Variants in VXN observed in about 807,000 individuals in gnomAD.
VXN encodes the protein uncharacterized protein C8orf46.
In VXN, 7 loss-of-function variants were observed where a neutral mutation model predicts 23.1. That is an observed-to-expected ratio of 0.30 (90% CI 0.17 to 0.57). The LOEUF (loss-of-function observed/expected upper bound fraction) is 0.57. VXN is among the 20% of genes least tolerant of loss of function. VXN has a pLI of 0.91. For synonymous variants in VXN, 120 were observed against 105.8 expected, an observed-to-expected ratio of 1.13 and a Z score of -0.83; for missense variants, 238 against 272.6, an observed-to-expected ratio of 0.87 and a Z score of 0.89.
chr8:66,516,098 C>T lies in VXN; in HGVS notation c.*22C>T. On this transcript the variant is annotated 3_prime_UTR_variant, in exon 6 of 6. Transcript: ENST00000305454. ...CTAAAGGTGACCCTCTTCAAGTGCC[C>T]TGTGTTGGCCAAGGTTCCCCGGACA... 6.4e-7 allele frequency: 1 copy of T among 1,572,838 alleles called. No homozygotes were observed. The highest frequency in any genetic ancestry group is 2.3e-5 in the East Asian group (1 of 43,510).
At chr8:66,513,678 A>G (rs774031743) in intron 5 of VXN, 41 bp downstream of exon 5, 5 of 1,549,906 alleles carry the variant, frequency 3.2e-6, no homozygotes, top group Non-Finnish European at 4.5e-6. Flanking sequence ...GTGGCCTCCC[A>G]CTGTCCTGAT....
At chr8:66,510,261 G>A in intron 4 of VXN, 104 bp downstream of exon 4, 1 of 968,066 alleles carries the variant, frequency 1.0e-6, no homozygotes, top group African/African-American at 1.7e-5. Flanking sequence ...CTTTGTTCCA[G>A]GCCTGAGGAT....
At position 66,506,236 on chromosome 8, in the gene VXN, T is replaced by A. The variant is rs1470543008; in HGVS notation, c.280+708T>A. ...GAGAGAGAGAGAGAGAGAGACAGTG[T>A]GTGTGTGTGTGTGTGTGTGTGTGTG... On this transcript the variant is annotated intron_variant, in intron 3 of 5. Transcript: ENST00000305454. Among the ~76,000 whole-genome samples the A allele has an allele frequency of 3.3e-3, 448 of 135,462 alleles. 3 individuals are homozygous for A. Among genetic ancestry groups the A allele is most frequent in the African/African-American group, 0.013 (425 of 33,028 alleles). The allele number at this position is 135,462 out of a possible 152,430, so 88.9% of individuals were successfully genotyped here. A position where few individuals can be genotyped will look rare whatever the true frequency, so the allele number is the denominator to read the frequency against.
chr8:66,504,515 A>G (rs1007002893), intron 2 of VXN, among the ~76,000 whole-genome samples: 1 of 152,074 alleles, frequency 6.6e-6, no homozygotes, highest in Non-Finnish European at 1.5e-5. Flanking sequence ...GTAAGATAAA[A>G]TGGCTACTAT....
In VXN at chr8:66,516,664, T is replaced by C. The variant is rs1271200991; in HGVS notation, c.*588T>C. 2 of 152,258 alleles carry C rather than the reference T, an allele frequency of 1.3e-5. No individual in the cohort carries two copies. The highest frequency in any genetic ancestry group is 2.4e-5 in the African/African-American group (1 of 41,472). 9.4% of individuals were successfully genotyped at this position (152,258 alleles called of 1,614,324 possible). A position where few individuals can be genotyped will look rare whatever the true frequency, so the allele number is the denominator to read the frequency against. ...TATTCTTTTATGTGCAGTTTTTCTA[T>C]AGAAAAACATTAAAAGTTAAATGTT... On this transcript the variant is annotated 3_prime_UTR_variant, in exon 6 of 6. Transcript: ENST00000305454.
chr8:66,509,281 C>T lies in VXN; in HGVS notation c.281-815C>T, dbSNP rs1043206240. Among the ~76,000 whole-genome samples the T allele has an allele frequency of 3.3e-5, 5 of 152,188 alleles. No individual in the cohort carries two copies. In the East Asian group the frequency reaches 7.7e-4, roughly 23 times the overall value. On this transcript the variant is annotated intron_variant, in intron 3 of 5. Transcript: ENST00000305454. ...CCCCAGAGAGACCTGTGCTGAAAGC[C>T]AGCTTTCCCCTACGTTTTATCAGCT...
At position 66,505,493 on chromosome 8, in the gene VXN, C is replaced by T. The variant is rs1407714131; in HGVS notation, c.245C>T (p.Pro82Leu). Residue 82 changes from proline (P) to leucine (L), a missense_variant, in exon 3 of 6, where the codon CCC (proline) becomes CTC (leucine). Pro to Leu is a moderately conservative substitution (Grantham distance 98). Coordinates refer to ENST00000305454, the MANE Select transcript of VXN (RefSeq NM_152765.4). ...GGGCGGCTCCAGACCGCGCGGCCGC[C>T]CACAGCCCACCCGGCCAAAGCCTCT... ...RFGRLQTARP[P>L]TAHPAKASAR... 2 of 1,555,908 alleles carry T rather than the reference C, an allele frequency of 1.3e-6. No homozygotes were observed. Among genetic ancestry groups the T allele is most frequent in the Admixed American group, 2.0e-5 (1 of 51,028 alleles).
chr8:66,498,845 A>G, intron 2 of VXN: 1 of 456,496 alleles, frequency 2.2e-6, no homozygotes, highest in South Asian at 1.5e-5. Flanking sequence ...ACCAAGGGTA[A>G]CTGAAACCAT....
chr8:66,510,159 T>A lies in VXN; in HGVS notation c.342+2T>A. ...AATCGAGCATATGGAAAATCTCTGG[T>A]AAGTAAAATAAGCCTGCTTAGTTGT... On this transcript the variant is annotated splice_donor_variant, in intron 4 of 5. Coordinates refer to ENST00000305454, the MANE Select transcript of VXN (RefSeq NM_152765.4). LOFTEE classifies it high-confidence loss of function. The A allele has an allele frequency of 6.2e-7, 1 of 1,609,780 alleles. No individual in the cohort carries two copies. The highest frequency in any genetic ancestry group is 8.5e-7 in the Non-Finnish European group (1 of 1,177,474).
chr8:66,510,137 C>A lies in VXN; in HGVS notation c.322C>A (p.Arg108=), dbSNP rs546773714. 1.2e-6 allele frequency: 2 copies of A among 1,612,594 alleles called. No individual in the cohort carries two copies. Among genetic ancestry groups the A allele is most frequent in the Non-Finnish European group, 1.7e-6 (2 of 1,179,472 alleles). ...CAAAACATCAAATCTGTGTGGGAAT[C>A]GAGCATATGGAAAATCTCTGGTAAG... ...EPKTSNLCGN[R]AYGKSLIPPV... Residue 108 remains arginine (R), a synonymous_variant, in exon 4 of 6, where the codon CGA becomes AGA. Coordinates refer to ENST00000305454, the MANE Select transcript of VXN (RefSeq NM_152765.4).
intron 5 of VXN, chr8:66,514,392 G>A (rs1295761920): frequency 1.3e-5 from 2 of 152,218 alleles, no homozygotes; most frequent in African/African-American, 4.8e-5. Flanking sequence ...GAATCACAGG[G>A]GGTACCCATC....
In VXN at chr8:66,513,591, G is replaced by A. The variant is rs1807850137; in HGVS notation, c.394G>A (p.Glu132Lys). The change falls in exon 5 of 6, where the codon GAG becomes AAG. Residue 132 changes from glutamate to lysine, a missense_variant. By Grantham distance (56) the Glu-to-Lys change is moderately conservative (BLOSUM62 1). Coordinates refer to ENST00000305454, the MANE Select transcript of VXN (RefSeq NM_152765.4). Reference protein sequence around the residue: ...SVKTSASASLEATAMGTEKGA... With the variant: ...SVKTSASASLKATAMGTEKGA... Reference sequence around the variant, plus strand: ...GAAAACTTCAGCCTCTGCCTCATTGGAGGCGACAGCCATGGGCACAGAGAA... The same window carrying A: ...GAAAACTTCAGCCTCTGCCTCATTGAAGGCGACAGCCATGGGCACAGAGAA... The A allele has an allele frequency of 6.2e-7, 1 of 1,614,178 alleles. No homozygotes were observed.
In VXN at chr8:66,497,915, C is replaced by T. The variant is rs544020733; in HGVS notation, c.126+1423C>T. Among the ~76,000 whole-genome samples the T allele has an allele frequency of 3.9e-5, 6 of 152,082 alleles. No homozygotes were observed. In the East Asian group the frequency reaches 1.2e-3, roughly 29 times the overall value. The stretch of plus-strand genomic sequence containing the variant: ...AGGCGCAGTGGCTCACGCCTGTAAT[C>T]CTAGCACTTTGGGAGGCTGAGGTGG... On this transcript the variant is annotated intron_variant, in intron 2 of 5. Transcript: ENST00000305454.
chr8:66,511,083 G>T (rs1807818859), intron 4 of VXN, among the ~76,000 whole-genome samples: 1 of 152,200 alleles, frequency 6.6e-6, no homozygotes, highest in Non-Finnish European at 1.5e-5. Context: ...CCACCTGAAG[G>T]AGCTAAGAGC....
chr8:66,514,872 G>A (rs1458194483), intron 5 of VXN, among the ~76,000 whole-genome samples: 1 of 152,232 alleles, frequency 6.6e-6, no homozygotes, highest in Non-Finnish European at 1.5e-5. Context: ...TACACTGTCA[G>A]CCTGAGCGCT....
intron 4 of VXN, among the ~76,000 whole-genome samples, chr8:66,511,796 G>A (rs1412872771): frequency 6.6e-6 from 1 of 152,120 alleles, no homozygotes; most frequent in African/African-American, 2.4e-5. Flanking sequence ...GCCAGGCACA[G>A]TGGCTCACAG....
chr8:66,496,949 A>G (rs961114515), intron 2 of VXN, among the ~76,000 whole-genome samples: 2 of 152,094 alleles, frequency 1.3e-5, no homozygotes, highest in Non-Finnish European at 2.9e-5. Context: ...CAATGGCACA[A>G]TCTCTGCTCA....
At chr8:66,504,447 T>C (rs1338585608) in intron 2 of VXN, among the ~76,000 whole-genome samples, 1 of 148,708 alleles carries the variant, frequency 6.7e-6, no homozygotes, top group Non-Finnish European at 1.5e-5. Context: ...CCTGCCTATG[T>C]ATAAACATGC....
At chr8:66,500,268 A>G (rs959214313) in intron 2 of VXN, among the ~76,000 whole-genome samples, 1 of 152,248 alleles carries the variant, frequency 6.6e-6, no homozygotes, top group African/African-American at 2.4e-5. Flanking sequence ...GGAGATACAC[A>G]TTGAAACAAT....
Sources: gnomAD v4.1 joint callset for allele counts (sites outside exome capture counted in the v4.1 genomes callset) on GRCh38, gnomAD v4.1.1 for gene constraint, MANE v1.5 for transcripts, NCBI Gene and HGNC (gene_info 2026-07-23, HGNC 2026-07-21) for gene names.